The following FXN variants were observed in gnomAD, a reference collection of about 807,000 sequenced individuals.
FXN encodes the protein frataxin, mitochondrial.
A neutral mutation model predicts 22.4 loss-of-function variants in FXN; 14 were observed. The ratio of observed to expected loss-of-function variants is 0.62; its 90% CI spans 0.41 to 0.98. The LOEUF is 0.98. Among genes scored for constraint, FXN ranks in the 50% least tolerant of loss-of-function variants. The pLI is 0.00. For missense variants in FXN, 267 were observed against 268.4 expected, an observed-to-expected ratio of 0.99 and a Z score of 0.04; for synonymous variants, 120 against 114.1, an observed-to-expected ratio of 1.05 and a Z score of -0.33.
Position 69,076,246 on chromosome 9 carries a change from A to G in FXN, c.*3484A>G. ...TTTTTTTTTTTAATCTATAAAATGG[A>G]GATATCTAACATGTTGAGCCTGGGC... On this transcript the variant is annotated 3_prime_UTR_variant, in exon 5 of 5. Transcript: ENST00000484259. The G allele has an allele frequency of 2.0e-6, 2 of 980,936 alleles. No individual in the cohort carries two copies. The highest frequency in any genetic ancestry group is 2.4e-6 in the Non-Finnish European group (2 of 827,960). The allele number at this position is 980,936 out of a possible 1,614,324, so 60.8% of individuals were successfully genotyped here.
At position 69,037,284 on chromosome 9, in the gene FXN, A is replaced by AAAAAAGAAG. The variant is rs544093183; in HGVS notation, c.165+1339_165+1340insAAAGAAGAA. Among the ~76,000 whole-genome samples the AAAAAAGAAG allele has an allele frequency of 6.4e-3, 499 of 78,044 alleles. 7 individuals are homozygous for AAAAAAGAAG. The highest frequency in any genetic ancestry group is 0.02 in the African/African-American group (426 of 21,152). 51.2% of individuals were successfully genotyped at this position (78,044 alleles called of 152,430 possible). ...ACTAAAAAATACAAAAAAAAAAAAAAAAGAAGAAGAAGAAGAAGAAAATAA... is the reference window on the plus strand; with the variant it reads ...ACTAAAAAATACAAAAAAAAAAAAAAAAAAAGAAGAAGAAGAAGAAGAAGAAGAAAATAA... On this transcript the variant is annotated intron_variant, in intron 1 of 4. Coordinates refer to ENST00000484259, the MANE Select transcript of FXN (RefSeq NM_000144.5).
At chr9:69,071,373 C>G (rs919621414) in intron 4 of FXN, 2 of 490,798 alleles carry the variant, frequency 4.1e-6, no homozygotes, top group African/African-American at 3.9e-5. Context: ...TCCTGGTGAC[C>G]TCATCCTAGC....
At chr9:69,060,320 A>G (rs1228625291) in intron 3 of FXN, among the ~76,000 whole-genome samples, 2 of 151,974 alleles carry the variant, frequency 1.3e-5, no homozygotes, top group South Asian at 2.1e-4. Context: ...GCAGTGAACC[A>G]AGATCGAGCC....
rs960469065 is a variant in FXN at position 69,073,040 on chromosome 9, C to T, written c.*278C>T. On this transcript the variant is annotated 3_prime_UTR_variant, in exon 5 of 5. Coordinates refer to ENST00000484259, the MANE Select transcript of FXN (RefSeq NM_000144.5). ...TCTTTTATAATGTCTTATGCCTATA[C>T]CTGAATATAACAACCTTTAAAAAAG... 14 of 1,316,318 alleles carry T rather than the reference C, an allele frequency of 1.1e-5. No individual in the cohort carries two copies. Among genetic ancestry groups the T allele is most frequent in the African/African-American group, 1.5e-5 (1 of 67,344 alleles). The allele number at this position is 1,316,318 out of a possible 1,614,324, so 81.5% of individuals were successfully genotyped here. A position where few individuals can be genotyped will look rare whatever the true frequency, so the allele number is the denominator to read the frequency against.
intron 3 of FXN, among the ~76,000 whole-genome samples, chr9:69,056,532 C>T (rs1361282540): frequency 1.3e-5 from 2 of 152,272 alleles, no homozygotes; most frequent in East Asian, 3.9e-4. Context: ...TAGGCTGAAG[C>T]AGGAGCATCA....
chr9:69,067,650 A>G (rs774643033), intron 4 of FXN, among the ~76,000 whole-genome samples: 1 of 152,208 alleles, frequency 6.6e-6, no homozygotes, highest in Admixed American at 6.5e-5. Context: ...AATTATCAAC[A>G]ATAAAGATCA....
rs182547745 is a variant in FXN, at chr9:69,062,300, A to G, written c.385-2638A>G. Among the ~76,000 whole-genome samples, 56 of 152,184 alleles carry G rather than the reference A, an allele frequency of 3.7e-4. No homozygotes were observed. In the East Asian group the frequency reaches 9.1e-3, roughly 25 times the overall value. On this transcript the variant is annotated intron_variant, in intron 3 of 4. Coordinates refer to ENST00000484259, the MANE Select transcript of FXN (RefSeq NM_000144.5). ...TGAATTTGTAATTTTTTGTAAAAAC[A>G]AGGTTTTACCATGTTGCCCAGTCTG...
Position 69,078,602 on chromosome 9 carries a change from A to G in FXN, c.*5840A>G. 1.2e-5 allele frequency: 12 copies of G among 985,736 alleles called. No individual in the cohort carries two copies. Among genetic ancestry groups the G allele is most frequent in the Non-Finnish European group, 1.3e-5 (11 of 829,968 alleles). 61.1% of individuals were successfully genotyped at this position (985,736 alleles called of 1,614,324 possible). Reference sequence around the variant, plus strand: ...AACTGTTCAGGCACTGACTCTACATATAATTATGCTTTTCTACCCCCTCAC... The same window carrying G: ...AACTGTTCAGGCACTGACTCTACATGTAATTATGCTTTTCTACCCCCTCAC... On this transcript the variant is annotated 3_prime_UTR_variant, in exon 5 of 5. Transcript: ENST00000484259.
At position 69,057,809 on chromosome 9, in the gene FXN, C is replaced by A. The variant is rs138064892; in HGVS notation, c.384+4549C>A. Among the ~76,000 whole-genome samples, 262 of 152,128 alleles carry A rather than the reference C, an allele frequency of 1.7e-3. 1 individual carries two copies. Among genetic ancestry groups the A allele is most frequent in the Middle Eastern group, 0.01 (3 of 294 alleles). ...AAGCAGACACGGTCCTTCCTTTCTC[C>A]CTTGCCCAGCACTCTGAGGTTGACT... On this transcript the variant is annotated intron_variant, in intron 3 of 4. Transcript: ENST00000484259.
rs1198306724 is a variant in FXN, at chr9:69,072,908, T to C, written c.*146T>C. On this transcript the variant is annotated 3_prime_UTR_variant, in exon 5 of 5. Transcript: ENST00000484259. The stretch of plus-strand genomic sequence containing the variant: ...ACAGTTGGGCTATGTGTCACAGCTC[T>C]GTAGAAAGAATGTGTTGCCTCCTAC... 8 of 1,515,604 alleles carry C rather than the reference T, an allele frequency of 5.3e-6. No homozygotes were observed. The highest frequency in any genetic ancestry group is 7.0e-6 in the Non-Finnish European group (8 of 1,137,372). 93.9% of individuals were successfully genotyped at this position (1,515,604 alleles called of 1,614,324 possible). A position where few individuals can be genotyped will look rare whatever the true frequency, so the allele number is the denominator to read the frequency against.
chr9:69,038,905 A>G (rs1190997179), intron 1 of FXN, among the ~76,000 whole-genome samples: 1 of 152,208 alleles, frequency 6.6e-6, no homozygotes, highest in Non-Finnish European at 1.5e-5. Flanking sequence ...TACTTTTATA[A>G]AATTCACAAT....
rs1261517278 is a variant in FXN, at chr9:69,075,689, G to A, written c.*2927G>A. The A allele has an allele frequency of 3.0e-6, 3 of 985,226 alleles. No homozygotes were observed. The African/African-American group carries it at 5.2e-5, about 17-fold the overall frequency. 61.0% of individuals were successfully genotyped at this position (985,226 alleles called of 1,614,324 possible). On this transcript the variant is annotated 3_prime_UTR_variant, in exon 5 of 5. Transcript: ENST00000484259. ...TAAATATTCACTGTAACATACTGGA[G>A]GAGGTGAGGAATTGCATAATACAAT...
At chr9:69,070,112 C>G (rs933832731) in intron 4 of FXN, among the ~76,000 whole-genome samples, 3 of 151,860 alleles carry the variant, frequency 2.0e-5, no homozygotes, top group Non-Finnish European at 4.4e-5. Flanking sequence ...GCCTGTGGTC[C>G]CAGCTACTCA....
intron 4 of FXN, among the ~76,000 whole-genome samples, chr9:69,069,577 G>A (rs937955107): frequency 6.6e-6 from 1 of 152,212 alleles, no homozygotes; most frequent in South Asian, 2.1e-4. Flanking sequence ...GCAGTGGAGG[G>A]GAACAGGGAA....
intron 3 of FXN, among the ~76,000 whole-genome samples, chr9:69,064,129 G>A (rs898124798): frequency 6.6e-6 from 1 of 152,304 alleles, no homozygotes; most frequent in Admixed American, 6.5e-5. Flanking sequence ...GCTTCCCCCT[G>A]CTTACCAGTT....
intron 1 of FXN, among the ~76,000 whole-genome samples, chr9:69,044,840 A>C (rs1280749236): frequency 1.3e-5 from 2 of 152,230 alleles, no homozygotes; most frequent in Admixed American, 6.5e-5. Flanking sequence ...GGGACTAAAA[A>C]AAATCAACAG....
intron 1 of FXN, among the ~76,000 whole-genome samples, chr9:69,036,995 C>T (rs1163031505): frequency 1.3e-5 from 2 of 152,174 alleles, no homozygotes; most frequent in East Asian, 1.9e-4. Flanking sequence ...AGGCAGGCCA[C>T]GTCCAAGCCA....
chr9:69,065,085 G>T (rs1182943190), intron 4 of FXN, 50 bp downstream of exon 4: 1 of 1,372,686 alleles, frequency 7.3e-7, no homozygotes, highest in Non-Finnish European at 1.0e-6. Context: ...AAAGACTTCC[G>T]AAATGTGACA....
chr9:69,037,804 C>A (rs1831591018), intron 1 of FXN, among the ~76,000 whole-genome samples: 1 of 152,196 alleles, frequency 6.6e-6, no homozygotes, highest in South Asian at 2.1e-4. Context: ...TCCCGAGTAG[C>A]TGGGATTATC....
Sources: allele counts gnomAD v4.1 joint callset (sites outside exome capture counted in the v4.1 genomes callset), GRCh38; gene constraint gnomAD v4.1.1; transcripts MANE v1.5; gene names NCBI Gene and HGNC (gene_info 2026-07-23, HGNC 2026-07-21).